KLF12: variants seen among roughly 807,000 people sequenced by gnomAD.
KLF12 encodes KLF transcription factor 12.
KLF12 carries 9 observed loss-of-function variants against 37.8 expected under a neutral mutation model. That is an observed-to-expected ratio of 0.24 (90% CI 0.14 to 0.42). The LOEUF is 0.42. KLF12 is among the 10% of genes least tolerant of loss of function. The probability of loss-of-function intolerance (pLI) is 1.00; values close to 1 mark genes in which losing one functional copy is unlikely to be tolerated. For synonymous variants in KLF12, 208 were observed against 202.1 expected (o/e 1.03, Z -0.25); for missense variants, 411 against 516.0 (o/e 0.80, Z 1.97).
At chr13:74,301,820 G>A in the KLF12 span, among the ~76,000 whole-genome samples, 2 of 152,064 alleles carry the variant, frequency 1.3e-5, no homozygotes, top group African/African-American at 2.4e-5. Flanking sequence ...CCAACCAATC[G>A]CAGTATTCTT....
intron 5 of KLF12, among the ~76,000 whole-genome samples, chr13:73,772,288 G>A (rs1052279970): frequency 6.6e-6 from 1 of 152,220 alleles, no homozygotes; most frequent in Non-Finnish European, 1.5e-5. Flanking sequence ...GCTATGAAGT[G>A]TGTGAGGGGA....
intron 3 of KLF12, among the ~76,000 whole-genome samples, chr13:73,873,954 A>C (rs1886589303): frequency 6.6e-6 from 1 of 152,220 alleles, no homozygotes; most frequent in Admixed American, 6.5e-5. Flanking sequence ...GAAGCAAATA[A>C]CTCATTAAAA....
the KLF12 span, among the ~76,000 whole-genome samples, chr13:74,253,046 T>C: frequency 1.2e-3 from 178 of 152,146 alleles, no homozygotes; most frequent in African/African-American, 3.9e-3. Flanking sequence ...TACCTATCTA[T>C]CTATCATCTA....
chr13:74,191,304 T>A, the KLF12 span, among the ~76,000 whole-genome samples: 1 of 152,176 alleles, frequency 6.6e-6, no homozygotes, highest in Non-Finnish European at 1.5e-5. Context: ...ACATCTGAGG[T>A]TTCTTTATTG....
At chr13:73,875,308 C>A (rs1313777621) in intron 3 of KLF12, among the ~76,000 whole-genome samples, 2 of 152,070 alleles carry the variant, frequency 1.3e-5, no homozygotes, top group Admixed American at 6.5e-5. Context: ...CAGCTTCCTG[C>A]AAATTTATTT....
At chr13:74,087,403 G>C (rs982047605) in intron 1 of KLF12, among the ~76,000 whole-genome samples, 1 of 151,960 alleles carries the variant, frequency 6.6e-6, no homozygotes, top group Non-Finnish European at 1.5e-5. Flanking sequence ...GGCTCTAAGA[G>C]GAGAGGCTCA....
chr13:74,217,720 C>A, the KLF12 span, among the ~76,000 whole-genome samples: 1 of 152,174 alleles, frequency 6.6e-6, no homozygotes, highest in African/African-American at 2.4e-5. Flanking sequence ...GAGTGAGACT[C>A]CGTCTCAAAA....
chr13:74,071,022 A>C (rs372857103), intron 1 of KLF12, among the ~76,000 whole-genome samples: 258 of 152,322 alleles, frequency 1.7e-3, no homozygotes, highest in African/African-American at 5.8e-3. Context: ...AGAACTCAAA[A>C]CAAAAATTAC....
chr13:74,130,216 T>C (rs1440734131), intron 1 of KLF12, among the ~76,000 whole-genome samples: 5 of 152,220 alleles, frequency 3.3e-5, no homozygotes, highest in Non-Finnish European at 7.3e-5. Flanking sequence ...AGTTCAAAGC[T>C]GTGCATAAAT....
At chr13:74,130,816 T>C (rs899682124) in intron 1 of KLF12, among the ~76,000 whole-genome samples, 1 of 152,252 alleles carries the variant, frequency 6.6e-6, no homozygotes, top group African/African-American at 2.4e-5. Flanking sequence ...ACTAGTTTTA[T>C]AGTTTAATAC....
At chr13:74,130,316 G>C (rs761707793) in intron 1 of KLF12, among the ~76,000 whole-genome samples, 2 of 152,182 alleles carry the variant, frequency 1.3e-5, no homozygotes, top group Non-Finnish European at 2.9e-5. Flanking sequence ...TGATCATACA[G>C]TATTTTCAAA....
chr13:73,783,737 G>T (rs1350516816), intron 5 of KLF12, among the ~76,000 whole-genome samples: 1 of 152,114 alleles, frequency 6.6e-6, no homozygotes, highest in Non-Finnish European at 1.5e-5. Flanking sequence ...GACCCCAAGA[G>T]TATGCAATTT....
intron 4 of KLF12, among the ~76,000 whole-genome samples, chr13:73,842,365 A>G (rs1395715560): frequency 6.6e-6 from 1 of 152,198 alleles, no homozygotes; most frequent in Non-Finnish European, 1.5e-5. Context: ...ATTATCAGTT[A>G]TTTGTTTCTA....
At chr13:74,084,672 G>A (rs988244886) in intron 1 of KLF12, among the ~76,000 whole-genome samples, 1 of 152,102 alleles carries the variant, frequency 6.6e-6, no homozygotes, top group Non-Finnish European at 1.5e-5. Context: ...TTGAGCTTTA[G>A]GGCTGTATTT....
intron 2 of KLF12, among the ~76,000 whole-genome samples, chr13:73,951,146 T>C (rs1890632198): frequency 6.6e-6 from 1 of 152,256 alleles, no homozygotes; most frequent in South Asian, 2.1e-4. Context: ...ATAACAGTTA[T>C]AATAACAATA....
intron 6 of KLF12, among the ~76,000 whole-genome samples, chr13:73,739,726 A>G (rs1877815389): frequency 6.6e-6 from 1 of 152,138 alleles, no homozygotes; most frequent in Non-Finnish European, 1.5e-5. Context: ...ATTGTTGGCC[A>G]TTAATAGCTT....
the KLF12 span, among the ~76,000 whole-genome samples, chr13:74,143,570 C>A: frequency 6.6e-6 from 1 of 152,182 alleles, no homozygotes; most frequent in Non-Finnish European, 1.5e-5. Context: ...CTTTCATATC[C>A]TCAAGGTGAG....
intron 3 of KLF12, among the ~76,000 whole-genome samples, chr13:73,877,123 T>C (rs1886746815): frequency 6.6e-6 from 1 of 152,240 alleles, no homozygotes; most frequent in Non-Finnish European, 1.5e-5. Flanking sequence ...CTCTGTTCTT[T>C]CAGCAGTTAT....
At chr13:74,132,372 C>G (rs549651117) in intron 1 of KLF12, among the ~76,000 whole-genome samples, 1 of 152,242 alleles carries the variant, frequency 6.6e-6, no homozygotes, top group African/African-American at 2.4e-5. Context: ...AGATGTCTAC[C>G]GAAGTCACTA....
Sources: gnomAD v4.1 joint callset for allele counts (sites outside exome capture counted in the v4.1 genomes callset) on GRCh38, gnomAD v4.1.1 for gene constraint, MANE v1.5 for transcripts, NCBI Gene and HGNC (gene_info 2026-07-23, HGNC 2026-07-21) for gene names.